The following REPS2 variants were observed in gnomAD, a reference collection of about 807,000 sequenced individuals.
REPS2 encodes RALBP1 associated Eps domain containing 2.
A neutral mutation model predicts 53.6 loss-of-function variants in REPS2; 23 were observed. The ratio of observed to expected loss-of-function variants is 0.43; its 90% CI spans 0.31 to 0.61. The LOEUF (loss-of-function observed/expected upper bound fraction) is 0.61. Ranked by LOEUF, REPS2 falls within the 20% of genes least tolerant of loss-of-function variation. The pLI, the probability that REPS2 is intolerant of heterozygous loss-of-function variation, is 0.11. For missense variants in REPS2, 446 were observed against 534.9 expected (o/e 0.83, Z 1.64); for synonymous variants, 238 against 218.6 (o/e 1.09, Z -0.78).
intron 14 of REPS2, among the ~76,000 whole-genome samples, chrX:17,119,993 T>A (rs899276079): frequency 1.9e-5 from 2 of 107,761 alleles, no homozygotes; most frequent in African/African-American, 6.8e-5. Flanking sequence ...TCTCCTGCCT[T>A]AGCCTCCCGA....
intron 2 of REPS2, among the ~76,000 whole-genome samples, chrX:17,010,364 T>G (rs1010769332): frequency 4.5e-5 from 5 of 112,038 alleles, no homozygotes; most frequent in African/African-American, 1.6e-4. Flanking sequence ...AGTTAATATC[T>G]ACCCTTTCAG....
chrX:17,190,611 G>A, the REPS2 span, among the ~76,000 whole-genome samples: 3 of 112,177 alleles, frequency 2.7e-5, no homozygotes, highest in Non-Finnish European at 5.6e-5. Context: ...TTGGGGGGTA[G>A]ATATGTATAA....
rs879259718 is a variant in REPS2 at position 16,951,559 on chromosome X, A to ACACACACC, written c.273+4426_273+4427insACACACCC. On this transcript the variant is annotated intron_variant, in intron 1 of 17. Coordinates refer to ENST00000357277, the MANE Select transcript of REPS2 (RefSeq NM_004726.3). The stretch of plus-strand genomic sequence containing the variant: ...CACACACACACACACACACACACAC[A>ACACACACC]CCCCCGCTACCTACCTCTCTCTGGG... Among the ~76,000 whole-genome samples, 173 of 37,497 alleles carry ACACACACC rather than the reference A, an allele frequency of 4.6e-3. 4 individuals are homozygous for ACACACACC. Among genetic ancestry groups the ACACACACC allele is most frequent in the Non-Finnish European group, 6.1e-3 (110 of 18,050 alleles). The allele number at this position is 37,497 out of a possible 115,157, so 32.6% of individuals were successfully genotyped here. A position where few individuals can be genotyped will look rare whatever the true frequency, so the allele number is the denominator to read the frequency against.
chrX:17,002,262 G>A (rs2061316964), intron 1 of REPS2, among the ~76,000 whole-genome samples: 1 of 111,147 alleles, frequency 9.0e-6, no homozygotes, highest in African/African-American at 3.3e-5. Flanking sequence ...TGTAGAATAG[G>A]TGATTCTGTG....
intron 1 of REPS2, among the ~76,000 whole-genome samples, chrX:16,989,325 C>G (rs1382988055): frequency 7.3e-5 from 8 of 109,930 alleles, no homozygotes; most frequent in African/African-American, 2.6e-4. Flanking sequence ...TCACAAACTT[C>G]AATGTAAAAC....
At position 17,148,951 on chromosome X, in the gene REPS2, A is replaced by G. The variant is rs761002565; in HGVS notation, c.*1470A>G. 17 of 373,659 alleles carry G rather than the reference A, an allele frequency of 4.5e-5. No homozygotes were observed. Among genetic ancestry groups the G allele is most frequent in the Admixed American group, 4.3e-4 (17 of 39,304 alleles). The allele number at this position is 373,659 out of a possible 1,213,427, so 30.8% of individuals were successfully genotyped here. A position where few individuals can be genotyped will look rare whatever the true frequency, so the allele number is the denominator to read the frequency against. The stretch of plus-strand genomic sequence containing the variant: ...GATTTCAATAGAGCTGAGAGCTTTT[A>G]GAACAAGCAGGCATTTATTTAATGT... On this transcript the variant is annotated 3_prime_UTR_variant, in exon 18 of 18. Coordinates refer to ENST00000357277, the MANE Select transcript of REPS2 (RefSeq NM_004726.3).
At chrX:16,977,526 G>A (rs1417606171) in intron 1 of REPS2, among the ~76,000 whole-genome samples, 1 of 109,317 alleles carries the variant, frequency 9.1e-6, no homozygotes, top group Non-Finnish European at 1.9e-5. Flanking sequence ...CAGCCTGGGC[G>A]ACATAGGAAG....
At position 16,946,830 on chromosome X, in the gene REPS2, A is replaced by G; in HGVS notation, c.-32A>G. 1.3e-6 allele frequency: 1 copy of G among 753,070 alleles called. No homozygotes were observed. The highest frequency in any genetic ancestry group is 1.6e-6 in the Non-Finnish European group (1 of 643,074). 62.1% of individuals were successfully genotyped at this position (753,070 alleles called of 1,213,427 possible). On this transcript the variant is annotated 5_prime_UTR_variant, in exon 1 of 18. Transcript: ENST00000357277. ...GGACGCAGCAGCACCCCAGCTAGGG[A>G]CAGGGCTCCGCCGCGCCCCCTTGCT...
At chrX:17,106,045 G>A (rs112728006) in intron 14 of REPS2, among the ~76,000 whole-genome samples, 2,760 of 111,772 alleles carry the variant, frequency 0.025, 91 homozygotes, top group African/African-American at 0.087. Context: ...AGGCTTTGGA[G>A]GCCTACAGTA....
At chrX:17,102,942 T>C (rs2062827891) in intron 13 of REPS2, among the ~76,000 whole-genome samples, 1 of 112,350 alleles carries the variant, frequency 8.9e-6, no homozygotes, top group African/African-American at 3.2e-5. Context: ...TAAACTTATT[T>C]CTTGTGTGTT....
chrX:17,094,736 A>G (rs1399072902), intron 13 of REPS2, among the ~76,000 whole-genome samples: 1 of 111,807 alleles, frequency 8.9e-6, no homozygotes, highest in African/African-American at 3.3e-5. Flanking sequence ...CTTAGCAAAT[A>G]GCATTTCTTA....
intron 1 of REPS2, among the ~76,000 whole-genome samples, chrX:16,953,959 C>G (rs1441795107): frequency 1.8e-5 from 2 of 110,776 alleles, no homozygotes. Context: ...TTTTTCTCAT[C>G]TTTTATTTTT....
At chrX:17,028,318 G>A (rs1001454044) in intron 4 of REPS2, among the ~76,000 whole-genome samples, 1 of 112,328 alleles carries the variant, frequency 8.9e-6, no homozygotes, top group Non-Finnish European at 1.9e-5. Context: ...TGGTATTAGT[G>A]ATTTAATTCA....
At chrX:17,139,716 C>T (rs930730233) in intron 17 of REPS2, among the ~76,000 whole-genome samples, 1 of 111,018 alleles carries the variant, frequency 9.0e-6, no homozygotes, top group African/African-American at 3.3e-5. Flanking sequence ...TGCTGGCAGC[C>T]CTGGGCATTC....
chrX:17,050,845 G>C (rs2061992396), intron 6 of REPS2, among the ~76,000 whole-genome samples: 1 of 111,431 alleles, frequency 9.0e-6, no homozygotes, highest in Admixed American at 9.5e-5. Flanking sequence ...TTTATCCTTT[G>C]AGTTACAAAC....
intron 1 of REPS2, among the ~76,000 whole-genome samples, chrX:16,968,968 A>G (rs1359577782): frequency 2.2e-4 from 24 of 108,714 alleles, no homozygotes; most frequent in East Asian, 1.5e-3. Flanking sequence ...CACTTCTCAG[A>G]CGGGGCGGCT....
At chrX:17,109,093 G>A (rs2062924407) in intron 14 of REPS2, among the ~76,000 whole-genome samples, 1 of 110,948 alleles carries the variant, frequency 9.0e-6, no homozygotes, top group Admixed American at 9.6e-5. Flanking sequence ...TTCTGGAAGT[G>A]GCCATGGGGA....
At chrX:16,972,387 A>T (rs1158424902) in intron 1 of REPS2, among the ~76,000 whole-genome samples, 1 of 112,265 alleles carries the variant, frequency 8.9e-6, no homozygotes, top group Non-Finnish European at 1.9e-5. Context: ...TGAATGATAA[A>T]TGAAAAGTCT....
chrX:17,128,183 G>A (rs1175564934), intron 14 of REPS2, among the ~76,000 whole-genome samples: 1 of 111,054 alleles, frequency 9.0e-6, no homozygotes, highest in South Asian at 3.8e-4. Flanking sequence ...GTGATTTGTT[G>A]AAGGAGTGCT....
Sources: gnomAD v4.1 joint callset for allele counts (sites outside exome capture counted in the v4.1 genomes callset) on GRCh38, gnomAD v4.1.1 for gene constraint, MANE v1.5 for transcripts, NCBI Gene and HGNC (gene_info 2026-07-23, HGNC 2026-07-21) for gene names.